The following CDH4 variants were observed in gnomAD, a reference collection of about 807,000 sequenced individuals.
CDH4 encodes cadherin 4, also known as cadherin-4.
A neutral mutation model predicts 86.0 loss-of-function variants in CDH4; 33 were observed. The observed-to-expected ratio is 0.38, with a 90% CI of 0.29 to 0.51. The LOEUF (loss-of-function observed/expected upper bound fraction) is 0.51, where lower values mean the gene tolerates loss of function less well. Ranked by LOEUF, CDH4 falls within the 20% of genes least tolerant of loss-of-function variation. The pLI, the probability that CDH4 is intolerant of heterozygous loss-of-function variation, is 0.86. For missense variants in CDH4, 1,114 were observed against 1,307.4 expected, an observed-to-expected ratio of 0.85 and a Z score of 2.28; for synonymous variants, 555 against 549.4, an observed-to-expected ratio of 1.01 and a Z score of -0.14.
intron 4 of CDH4, among the ~76,000 whole-genome samples, chr20:61,801,568 G>A (rs969570093): frequency 6.6e-6 from 1 of 152,290 alleles, no homozygotes; most frequent in Non-Finnish European, 1.5e-5. Context: ...TGGTGCTGGA[G>A]GTCAGAGTCA....
chr20:61,845,773 A>G (rs1350838413), intron 5 of CDH4, among the ~76,000 whole-genome samples: 3 of 152,226 alleles, frequency 2.0e-5, no homozygotes, highest in Admixed American at 6.5e-5. Flanking sequence ...TAACTCGGGA[A>G]CAACCATGGA....
chr20:61,884,197 A>C (rs1244775752), intron 7 of CDH4, among the ~76,000 whole-genome samples: 1 of 152,204 alleles, frequency 6.6e-6, no homozygotes, highest in Non-Finnish European at 1.5e-5. Context: ...CTGGGCCACC[A>C]GTGAACACGG....
intron 2 of CDH4, among the ~76,000 whole-genome samples, chr20:61,297,310 CG>C (rs2084360867): frequency 6.6e-6 from 1 of 152,092 alleles, no homozygotes; most frequent in African/African-American, 2.4e-5. Flanking sequence ...CGCTTGAACC[CG>C]GGAGGCGGAA....
intron 3 of CDH4, among the ~76,000 whole-genome samples, chr20:61,745,194 C>G (rs1256094333): frequency 6.6e-6 from 1 of 152,216 alleles, no homozygotes; most frequent in East Asian, 1.9e-4. Context: ...CAGAGGCAAG[C>G]AGATTCCTTT....
At chr20:61,895,723 T>G (rs1040958299) in intron 8 of CDH4, among the ~76,000 whole-genome samples, 1 of 152,168 alleles carries the variant, frequency 6.6e-6, no homozygotes, top group Non-Finnish European at 1.5e-5. Flanking sequence ...GACAGACATT[T>G]GATGACCCCA....
intron 2 of CDH4, among the ~76,000 whole-genome samples, chr20:61,271,606 A>T (rs778069484): frequency 1.3e-5 from 2 of 152,220 alleles, no homozygotes; most frequent in Non-Finnish European, 2.9e-5. Context: ...CTGTGCTCAC[A>T]TCCCAAACAT....
At chr20:61,634,248 C>G (rs1349868752) in intron 2 of CDH4, among the ~76,000 whole-genome samples, 1 of 152,200 alleles carries the variant, frequency 6.6e-6, no homozygotes, top group Non-Finnish European at 1.5e-5. Flanking sequence ...CCTGTATACC[C>G]CTCCTTCCTG....
chr20:61,754,099 C>T lies in CDH4; in HGVS notation c.396+10310C>T, dbSNP rs2088529971. Among the ~76,000 whole-genome samples the T allele has an allele frequency of 6.6e-6, 1 of 152,158 alleles. No individual in the cohort carries two copies. The highest frequency in any genetic ancestry group is 2.4e-5 in the African/African-American group (1 of 41,422). ...AGCCAAGGATCAGGGAAGATTGTGG[C>T]ACCACCAGGAGCCAGGAGAGACGCC... On this transcript the variant is annotated intron_variant, in intron 3 of 15. Coordinates refer to ENST00000614565, the MANE Select transcript of CDH4 (RefSeq NM_001794.5). The surrounding 1 kb of genome is among the most constrained non-coding windows in gnomAD (Gnocchi z 4.7).
intron 2 of CDH4, among the ~76,000 whole-genome samples, chr20:61,690,704 A>AC (rs917086020): frequency 6.6e-6 from 1 of 151,498 alleles, no homozygotes; most frequent in African/African-American, 2.4e-5. Context: ...CTCAAAGACC[A>AC]CCCCCCACCC....
At chr20:61,782,227 C>T (rs752471319) in intron 4 of CDH4, among the ~76,000 whole-genome samples, 17 of 152,082 alleles carry the variant, frequency 1.1e-4, no homozygotes, top group Admixed American at 3.3e-4. Flanking sequence ...GACAATCGCT[C>T]GAACCTGGGA....
intron 2 of CDH4, among the ~76,000 whole-genome samples, chr20:61,534,480 C>T (rs950962676): frequency 1.3e-5 from 2 of 152,054 alleles, no homozygotes; most frequent in African/African-American, 2.4e-5. Context: ...ACAGGCTCAC[C>T]GCCGTGATCG....
At chr20:61,872,866 G>A (rs890780351) in intron 6 of CDH4, among the ~76,000 whole-genome samples, 6 of 152,198 alleles carry the variant, frequency 3.9e-5, no homozygotes, top group Non-Finnish European at 7.3e-5. Flanking sequence ...CAGTAGGCAG[G>A]GACTAAAGCC....
chr20:61,890,313 G>A (rs1984762551), intron 7 of CDH4, among the ~76,000 whole-genome samples: 1 of 151,918 alleles, frequency 6.6e-6, no homozygotes, highest in Admixed American at 6.6e-5. Context: ...TGGATGGATG[G>A]ATAGATGGAT....
chr20:61,809,103 G>T (rs1980292408), intron 4 of CDH4, among the ~76,000 whole-genome samples: 1 of 152,214 alleles, frequency 6.6e-6, no homozygotes, highest in African/African-American at 2.4e-5. Flanking sequence ...ACGTGGCCAG[G>T]GGTCCTCTGG....
chr20:61,732,849 C>T (rs144734198), intron 2 of CDH4, among the ~76,000 whole-genome samples: 2 of 152,320 alleles, frequency 1.3e-5, no homozygotes, highest in Non-Finnish European at 2.9e-5. Context: ...CCCTGTGTTG[C>T]CCGAGGCTTT....
chr20:61,691,698 G>A (rs2087657622), intron 2 of CDH4, among the ~76,000 whole-genome samples: 1 of 152,192 alleles, frequency 6.6e-6, no homozygotes, highest in South Asian at 2.1e-4. Flanking sequence ...TGACTGGACT[G>A]GGTACTGCAG....
At chr20:61,896,259 G>A (rs1985108373) in intron 8 of CDH4, among the ~76,000 whole-genome samples, 2 of 152,168 alleles carry the variant, frequency 1.3e-5, no homozygotes, top group African/African-American at 4.8e-5. Flanking sequence ...GGGAGGCTAA[G>A]AGGGAGAGGG....
chr20:61,323,821 G>A (rs547642407), intron 2 of CDH4, among the ~76,000 whole-genome samples: 1 of 152,182 alleles, frequency 6.6e-6, no homozygotes, highest in East Asian at 1.9e-4. Flanking sequence ...GCTCTTGAGA[G>A]CATTTCAAAG....
intron 2 of CDH4, among the ~76,000 whole-genome samples, chr20:61,337,276 TATGATAATA>T (rs2084622596): frequency 5.6e-3 from 2 of 356 alleles, no homozygotes; most frequent in African/African-American, 7.7e-3. Context: ...ATGGTGGTGA[TATGATAATA>T]ACACTAATGG....
Sources: gnomAD v4.1 joint callset for allele counts (sites outside exome capture counted in the v4.1 genomes callset) on GRCh38, gnomAD v4.1.1 for gene constraint, Gnocchi (gnomAD v3.1) non-coding constraint, MANE v1.5 for transcripts, NCBI Gene and HGNC (gene_info 2026-07-23, HGNC 2026-07-21) for gene names.